The following TFB1M variants were observed in gnomAD, a reference collection of about 807,000 sequenced individuals.
TFB1M encodes dimethyladenosine transferase 1, mitochondrial.
TFB1M carries 27 observed loss-of-function variants against 31.1 expected under a neutral mutation model. That is an observed-to-expected ratio of 0.87 (90% CI 0.64 to 1.20). The LOEUF is 1.20. TFB1M is among the 50% of genes most tolerant of loss of function. The probability of loss-of-function intolerance (pLI) is 0.00; values close to 1 mark genes in which losing one functional copy is unlikely to be tolerated. For missense variants in TFB1M, 394 were observed against 418.7 expected (o/e 0.94, Z 0.51); for synonymous variants, 166 against 151.8 (o/e 1.09, Z -0.69).
chr6:155,312,523 C>CT (rs1261425622), intron 1 of TFB1M, among the ~76,000 whole-genome samples: 2 of 152,188 alleles, frequency 1.3e-5, no homozygotes, highest in East Asian at 3.9e-4. Flanking sequence ...ATTTAATACT[C>CT]TCCTTCTTTA....
chr6:155,244,550 CTT>C, the TFB1M span: 1 of 1,359,614 alleles, frequency 7.4e-7, no homozygotes, highest in East Asian at 2.3e-5. Flanking sequence ...TTTCTGTCTG[CTT>C]TTCCGTGAAG....
chr6:155,257,823 C>T lies in TFB1M; in HGVS notation c.*13G>A. On this transcript the variant is annotated 3_prime_UTR_variant, in exon 7 of 7. Coordinates refer to ENST00000367166, the MANE Select transcript of TFB1M (RefSeq NM_016020.4). The stretch of plus-strand genomic sequence containing the variant: ...AATCGACATCTGGTAGGCTGCTCGC[C>T]CCCAGGCAGCAGCTAGAGTCTGTAA... The T allele has an allele frequency of 6.2e-7, 1 of 1,613,950 alleles. No individual in the cohort carries two copies. The highest frequency in any genetic ancestry group is 8.5e-7 in the Non-Finnish European group (1 of 1,179,904).
the TFB1M span, chr6:155,248,329 C>A: frequency 1.1e-6 from 1 of 931,546 alleles, no homozygotes; most frequent in Non-Finnish European, 1.6e-6. Context: ...TCTTAGGTTT[C>A]ACGTGAATAT....
In TFB1M at chr6:155,276,324, T is replaced by C. The variant is rs764654841; in HGVS notation, c.666+8834A>G. ...CTCGACCCACCCACACAGCAGCCTA[T>C]CTCTAACACACAGCTCGAGAACAAT... On this transcript the variant is annotated intron_variant, in intron 5 of 6. Transcript: ENST00000367166. 6.2e-6 allele frequency: 10 copies of C among 1,613,550 alleles called. No individual in the cohort carries two copies. Among genetic ancestry groups the C allele is most frequent in the Admixed American group, 1.7e-5 (1 of 59,998 alleles).
downstream of TFB1M, chr6:155,252,895 T>A: frequency 6.7e-7 from 1 of 1,493,596 alleles, no homozygotes. Flanking sequence ...GCACACATCC[T>A]CCCTCAGTGA....
intron 3 of TFB1M, among the ~76,000 whole-genome samples, chr6:155,297,921 G>A (rs994371605): frequency 3.9e-5 from 6 of 152,222 alleles, no homozygotes; most frequent in Non-Finnish European, 8.8e-5. Context: ...GGAGGCCAGA[G>A]ACATGGGGGC....
downstream of TFB1M, chr6:155,252,950 C>T (rs1333158165): frequency 3.7e-6 from 6 of 1,613,936 alleles, no homozygotes; most frequent in Non-Finnish European, 5.1e-6. Flanking sequence ...TGTTACAGCC[C>T]TCGAATTCCC....
At chr6:155,310,402 A>G (rs1777964720) in intron 2 of TFB1M, among the ~76,000 whole-genome samples, 1 of 152,176 alleles carries the variant, frequency 6.6e-6, no homozygotes, top group Non-Finnish European at 1.5e-5. Context: ...TAAAAAAAGT[A>G]AGTTCCTCCT....
Position 155,308,461 on chromosome 6 carries a change from G to A in TFB1M, c.285+2727C>T, listed in dbSNP as rs141781864. Among the ~76,000 whole-genome samples, 23 of 152,182 alleles carry A rather than the reference G, an allele frequency of 1.5e-4. No individual in the cohort carries two copies. The East Asian group carries it at 4.4e-3, about 29-fold the overall frequency. ...TTATTCAGTGCTTTCTAAGTATCAG[G>A]CATACACTGAATCCTCATATGAGTC... On this transcript the variant is annotated intron_variant, in intron 2 of 6. Transcript: ENST00000367166.
intron 2 of TFB1M, 151 bp downstream of exon 2, chr6:155,311,037 T>C: frequency 2.4e-6 from 2 of 828,826 alleles, no homozygotes; most frequent in South Asian, 3.0e-5. Context: ...TTCTCCAGAC[T>C]ATGGAATCAA....
At chr6:155,314,274 G>A (rs986503853) in intron 1 of TFB1M, 22 bp downstream of exon 1, 18 of 1,612,730 alleles carry the variant, frequency 1.1e-5, no homozygotes, top group Non-Finnish European at 1.4e-5. Flanking sequence ...AGACATCCGG[G>A]GAGCACTGCT....
At chr6:155,284,104 T>C (rs559005912) in intron 5 of TFB1M, among the ~76,000 whole-genome samples, 1 of 152,328 alleles carries the variant, frequency 6.6e-6, no homozygotes, top group African/African-American at 2.4e-5. Flanking sequence ...AAGGGGAAGA[T>C]GGCCTGACTT....
At chr6:155,282,671 G>A (rs1776427239) in intron 5 of TFB1M, among the ~76,000 whole-genome samples, 1 of 152,066 alleles carries the variant, frequency 6.6e-6, no homozygotes, top group Non-Finnish European at 1.5e-5. Flanking sequence ...TAGAGTACTA[G>A]CCTTGAATTA....
At chr6:155,275,234 T>A (rs1484861799) in intron 5 of TFB1M, among the ~76,000 whole-genome samples, 1 of 151,846 alleles carries the variant, frequency 6.6e-6, no homozygotes, top group African/African-American at 2.4e-5. Context: ...TCAAAAAAAA[T>A]AAAAATAAAA....
intron 5 of TFB1M, among the ~76,000 whole-genome samples, chr6:155,276,718 G>A (rs1490985244): frequency 6.6e-6 from 1 of 152,104 alleles, no homozygotes; most frequent in Non-Finnish European, 1.5e-5. Flanking sequence ...GAACTAAACT[G>A]CCAAGTATAA....
intron 4 of TFB1M, among the ~76,000 whole-genome samples, chr6:155,296,123 G>A (rs1777159538): frequency 6.6e-6 from 1 of 152,116 alleles, no homozygotes; most frequent in African/African-American, 2.4e-5. Context: ...TTTCTAGAGT[G>A]AACCCAGAAC....
chr6:155,279,052 T>G (rs542148410), intron 5 of TFB1M, among the ~76,000 whole-genome samples: 32 of 152,256 alleles, frequency 2.1e-4, no homozygotes, highest in African/African-American at 5.8e-4. Context: ...TTATGTATCT[T>G]ACAATGCACA....
At chr6:155,268,064 T>C (rs1784744422) in intron 5 of TFB1M, among the ~76,000 whole-genome samples, 1 of 152,192 alleles carries the variant, frequency 6.6e-6, no homozygotes, top group Non-Finnish European at 1.5e-5. Flanking sequence ...CTTGACTACA[T>C]TATATATATT....
intron 6 of TFB1M, among the ~76,000 whole-genome samples, chr6:155,258,999 A>T (rs568294118): frequency 6.6e-6 from 1 of 152,332 alleles, no homozygotes; most frequent in Admixed American, 6.5e-5. Flanking sequence ...GTCTGTCCTG[A>T]GGATGGTGTA....
Sources: allele counts gnomAD v4.1 joint callset (sites outside exome capture counted in the v4.1 genomes callset), GRCh38; gene constraint gnomAD v4.1.1; transcripts MANE v1.5; gene names NCBI Gene and HGNC (gene_info 2026-07-23, HGNC 2026-07-21).